The following ZNF630 variants were observed in gnomAD, a reference collection of about 807,000 sequenced individuals.
ZNF630 encodes the protein zinc finger protein 630.
A neutral mutation model predicts 7.2 loss-of-function variants in ZNF630; 5 were observed. The ratio of observed to expected loss-of-function variants is 0.70; its 90% CI spans 0.36 to 1.46. The LOEUF is 1.46. ZNF630 is among the 40% of genes most tolerant of loss of function. The pLI is 0.03. For missense variants in ZNF630, 461 were observed against 477.0 expected, an observed-to-expected ratio of 0.97 and a Z score of 0.31; for synonymous variants, 158 against 162.8, an observed-to-expected ratio of 0.97 and a Z score of 0.23.
intron 2 of ZNF630, among the ~76,000 whole-genome samples, chrX:48,063,351 G>A (rs992672966): frequency 1.8e-5 from 2 of 109,027 alleles, no homozygotes; most frequent in African/African-American, 6.7e-5. Flanking sequence ...GCAAAGACAA[G>A]GAAAGAGGGA....
Position 48,058,319 on chromosome X carries a change from C to T in ZNF630, c.*149G>A. 1 of 533,118 alleles carries T rather than the reference C, an allele frequency of 1.9e-6. No individual in the cohort carries two copies. The highest frequency in any genetic ancestry group is 2.8e-6 in the Non-Finnish European group (1 of 356,391). The allele number at this position is 533,118 out of a possible 1,213,427, so 43.9% of individuals were successfully genotyped here. A position where few individuals can be genotyped will look rare whatever the true frequency, so the allele number is the denominator to read the frequency against. ...GTGATGTTGAAAATATTCTGAGGGC[C>T]TAAGCAGATCATTCTGTGGAAGGGT... On this transcript the variant is annotated 3_prime_UTR_variant, in exon 5 of 5. Transcript: ENST00000276054.
chrX:48,062,457 G>A (rs1454659465), intron 2 of ZNF630, among the ~76,000 whole-genome samples: 1 of 112,797 alleles, frequency 8.9e-6, no homozygotes, highest in African/African-American at 3.2e-5. Flanking sequence ...GAAGGGGCCA[G>A]ATGTGGTGGC....
chrX:48,058,614 A>G lies in ZNF630; in HGVS notation c.1828T>C (p.Trp610Arg), dbSNP rs781954969. ...TGATATGTAATCATCTGTGATTTCC[A>G]GAAAAAAGTCATTCCAGACTCAGCA... ...ECAESGMTFFWKSQMITYQRR... is the reference protein window; with the variant it reads ...ECAESGMTFFRKSQMITYQRR... The change falls in exon 5 of 5, where the codon TGG becomes CGG. Residue 610 changes from tryptophan (W) to arginine (R), a missense_variant. Physicochemically the swap from Trp to Arg is moderately radical, Grantham distance 101. Coordinates refer to ENST00000276054, the MANE Select transcript of ZNF630 (RefSeq NM_001282201.2). 5.8e-6 allele frequency: 7 copies of G among 1,207,270 alleles called. 1 individual carries two copies. The highest frequency in any genetic ancestry group is 7.8e-6 in the Non-Finnish European group (7 of 892,744).
At chrX:48,068,809 C>T (rs1428336629) in intron 1 of ZNF630, among the ~76,000 whole-genome samples, 1 of 111,074 alleles carries the variant, frequency 9.0e-6, no homozygotes, top group Non-Finnish European at 1.9e-5. Context: ...TGAAAATTTC[C>T]ATAAGAAAGG....
At chrX:48,069,555 A>G (rs1191175615) in intron 1 of ZNF630, among the ~76,000 whole-genome samples, 2 of 111,206 alleles carry the variant, frequency 1.8e-5, no homozygotes, top group Non-Finnish European at 3.8e-5. Context: ...GTGCTGCAAA[A>G]CTATGGCGAA....
intron 2 of ZNF630, among the ~76,000 whole-genome samples, chrX:48,065,455 A>AAGAAAGAAAG (rs1491400536): frequency 3.2e-5 from 2 of 62,108 alleles, no homozygotes; most frequent in Admixed American, 1.7e-4. Flanking sequence ...GAAAGAAAGA[A>AAGAAAGAAAG]AGAGAGAGAG....
chrX:48,057,879 A>G lies in ZNF630; in HGVS notation c.*589T>C, dbSNP rs2059077044. On this transcript the variant is annotated 3_prime_UTR_variant, in exon 5 of 5. Transcript: ENST00000276054. ...GAGACCAGCCTTGCCAACATGGTGAAACCCCATCTCTACTAAAAATACAAA... is the reference window on the plus strand; with the variant it reads ...GAGACCAGCCTTGCCAACATGGTGAGACCCCATCTCTACTAAAAATACAAA... 9.1e-6 allele frequency among the ~76,000 whole-genome samples: 1 copy of G among 109,889 alleles called. No homozygotes were observed. The highest frequency in any genetic ancestry group is 1.9e-5 in the Non-Finnish European group (1 of 52,762).
chrX:48,058,638 C>A lies in ZNF630; in HGVS notation c.1804G>T (p.Ala602Ser). ...CAGAAAAAAGTCATTCCAGACTCAG[C>A]ACATTCAGGGGTTTTCTCCCTAGGA... ...THPREKTPEC[A>S]ESGMTFFWKS... Residue 602 changes from alanine (A) to serine (S), a missense_variant, in exon 5 of 5, where the codon GCT becomes TCT. Ala to Ser is a moderately conservative substitution (Grantham distance 99). Transcript: ENST00000276054. The A allele has an allele frequency of 8.3e-7, 1 of 1,207,485 alleles. No homozygotes were observed. The highest frequency in any genetic ancestry group is 1.1e-6 in the Non-Finnish European group (1 of 892,856).
chrX:48,060,015 T>C lies in ZNF630; in HGVS notation c.427A>G (p.Ser143Gly), dbSNP rs781911680. 3 of 1,208,121 alleles carry C rather than the reference T, an allele frequency of 2.5e-6. No homozygotes were observed. Among genetic ancestry groups the C allele is most frequent in the African/African-American group, 1.7e-5 (1 of 57,340 alleles). The change falls in exon 5 of 5, where the codon AGT becomes GGT. Residue 143 changes from serine to glycine, a missense_variant. Ser to Gly is a moderately conservative substitution (Grantham distance 56). Coordinates refer to ENST00000276054, the MANE Select transcript of ZNF630 (RefSeq NM_001282201.2). ...DRVLRQVTVISRETLTDEMGS... is the reference protein window; with the variant it reads ...DRVLRQVTVIGRETLTDEMGS... Reference sequence around the variant, plus strand: ...ATCTCATCAGTCAATGTTTCACGACTGATGACTGTGACCTGCCTCAAAACT... The same window carrying C: ...ATCTCATCAGTCAATGTTTCACGACCGATGACTGTGACCTGCCTCAAAACT...
chrX:48,062,835 G>T (rs1434576565), intron 2 of ZNF630, among the ~76,000 whole-genome samples: 1 of 110,591 alleles, frequency 9.0e-6, no homozygotes, highest in East Asian at 2.8e-4. Flanking sequence ...AGCTACTAGG[G>T]AGGCTGAGGT....
Position 48,059,649 on chromosome X carries a change from A to C in ZNF630, c.793T>G (p.Cys265Gly). 1 of 1,208,672 alleles carries C rather than the reference A, an allele frequency of 8.3e-7. No individual in the cohort carries two copies. ...ATAAAGGCTTTCCCACACATACTAC[A>C]AACATTGGGTTTCTCTCTGGCTTGA... ...KFQAREKPNV[C>G]SMCGKAFIKK... The change falls in exon 5 of 5, where the codon TGT becomes GGT. Residue 265 changes from cysteine (C) to glycine (G), a missense_variant. By Grantham distance (159) the Cys-to-Gly change is radical (BLOSUM62 -3). Transcript: ENST00000276054.
In ZNF630 at chrX:48,060,126, C is replaced by T. The variant is rs1569420483; in HGVS notation, c.316G>A (p.Ala106Thr). ...LLFQREILER[A>T]PKDNSLYSVL... Reference sequence around the variant, plus strand: ...GAGTACAATGAATTATCCTTTGGGGCTCTTTCTAGTATCTCCCTTTGAAAT... The same window carrying T: ...GAGTACAATGAATTATCCTTTGGGGTTCTTTCTAGTATCTCCCTTTGAAAT... The change falls in exon 5 of 5, where the codon GCC (alanine) becomes ACC (threonine). Residue 106 changes from alanine (A) to threonine (T), a missense_variant. By Grantham distance (58) the Ala-to-Thr change is moderately conservative (BLOSUM62 0). Transcript: ENST00000276054. 3 of 1,172,349 alleles carry T rather than the reference C, an allele frequency of 2.6e-6. No individual in the cohort carries two copies. The highest frequency in any genetic ancestry group is 3.2e-5 in the East Asian group (1 of 31,745).
At chrX:48,069,951 T>G (rs960339607) in intron 1 of ZNF630, among the ~76,000 whole-genome samples, 5 of 106,358 alleles carry the variant, frequency 4.7e-5, no homozygotes, top group African/African-American at 1.7e-4. Context: ...TCCGCCTCCC[T>G]GGTTCACTCC....
At chrX:48,060,333 G>A (rs188667618) in intron 4 of ZNF630, 117 bp downstream of exon 4, 2 of 981,655 alleles carry the variant, frequency 2.0e-6, no homozygotes, top group Non-Finnish European at 2.7e-6. Flanking sequence ...GGCTGTTGTA[G>A]AATGAATGTT....
At chrX:48,067,814 C>T (rs2059137656) in intron 1 of ZNF630, among the ~76,000 whole-genome samples, 1 of 110,948 alleles carries the variant, frequency 9.0e-6, no homozygotes, top group African/African-American at 3.3e-5. Flanking sequence ...GTAAGCCCAG[C>T]ACTTTGGGAG....
At chrX:48,068,153 G>C (rs1329181646) in intron 1 of ZNF630, among the ~76,000 whole-genome samples, 18 of 90,032 alleles carry the variant, frequency 2.0e-4, no homozygotes, top group Admixed American at 5.1e-4. Flanking sequence ...GGAAGGAAGG[G>C]AGGGAGGGAG....
Position 48,059,738 on chromosome X carries a change from T to C in ZNF630, c.704A>G (p.Tyr235Cys), listed in dbSNP as rs2059092925. The stretch of plus-strand genomic sequence containing the variant: ...AACTTTTTCACATTGACTATCTCCA[T>C]AGGGCTCCATTCCAGTATGAATGAA... Reference protein sequence around the residue: ...EGFIHTGMEPYGDSQCEKVLS... With the variant: ...EGFIHTGMEPCGDSQCEKVLS... Residue 235 changes from tyrosine to cysteine, a missense_variant, in exon 5 of 5, where the codon TAT becomes TGT. Tyr to Cys is a radical substitution (Grantham distance 194). Coordinates refer to ENST00000276054, the MANE Select transcript of ZNF630 (RefSeq NM_001282201.2). The C allele has an allele frequency of 1.7e-6, 2 of 1,206,800 alleles. No homozygotes were observed. Among genetic ancestry groups the C allele is most frequent in the Non-Finnish European group, 1.1e-6 (1 of 892,975 alleles).
Position 48,059,874 on chromosome X carries a change from C to A in ZNF630, c.568G>T (p.Asp190Tyr), listed in dbSNP as rs373194293. The A allele has an allele frequency of 1.7e-5, 20 of 1,206,009 alleles. 1 individual carries two copies. Among genetic ancestry groups the A allele is most frequent in the Non-Finnish European group, 2.1e-5 (19 of 892,788 alleles). Residue 190 changes from aspartate (D) to tyrosine (Y), a missense_variant, in exon 5 of 5, where the codon GAC becomes TAC. Physicochemically the swap from Asp to Tyr is radical, Grantham distance 160 (BLOSUM62 -3). Coordinates refer to ENST00000276054, the MANE Select transcript of ZNF630 (RefSeq NM_001282201.2). ...TAGCTCCTGTTATAATTTAGTAAGTCTGAATTAGACTTCAAGCTATTTTCA... is the reference window on the plus strand; with the variant it reads ...TAGCTCCTGTTATAATTTAGTAAGTATGAATTAGACTTCAAGCTATTTTCA... ...SCENSLKSNS[D>Y]LLNYNRSYAR... is the part of the protein sequence containing the mutation.
At chrX:48,064,811 A>C (rs1177029872) in intron 2 of ZNF630, among the ~76,000 whole-genome samples, 1 of 112,219 alleles carries the variant, frequency 8.9e-6, no homozygotes, top group Non-Finnish European at 1.9e-5. Flanking sequence ...TCAAAAGAAG[A>C]ATATTTTATG....
Sources: gnomAD v4.1 joint callset for allele counts (sites outside exome capture counted in the v4.1 genomes callset) on GRCh38, gnomAD v4.1.1 for gene constraint, MANE v1.5 for transcripts, NCBI Gene and HGNC (gene_info 2026-07-23, HGNC 2026-07-21) for gene names.